Variants in NSMCE1 observed in about 807,000 individuals in gnomAD.
The protein encoded by NSMCE1 is NSE1 component of SMC5/6 complex, also known as non-structural maintenance of chromosomes element 1 homolog.
In NSMCE1, 18 loss-of-function variants were observed where a neutral mutation model predicts 29.6. The ratio of observed to expected loss-of-function variants is 0.61; its 90% confidence interval spans 0.42 to 0.90. The LOEUF is 0.90. NSMCE1 is among the 40% of genes least tolerant of loss of function. The pLI, the probability that NSMCE1 is intolerant of heterozygous loss-of-function variation, is 0.00. For synonymous variants in NSMCE1, 124 were observed against 133.4 expected (o/e 0.93, Z 0.49); for missense variants, 314 against 343.6 (o/e 0.91, Z 0.68).
intron 2 of NSMCE1, chr16:27,241,806 C>T (rs940126468): frequency 2.2e-6 from 1 of 452,756 alleles, no homozygotes; most frequent in Admixed American, 2.4e-5. Flanking sequence ...CACCTCTCAG[C>T]AGACCCTCAG....
intron 1 of NSMCE1, among the ~76,000 whole-genome samples, chr16:27,259,946 C>T (rs1488289462): frequency 6.6e-6 from 1 of 151,998 alleles, no homozygotes; most frequent in Non-Finnish European, 1.5e-5. Flanking sequence ...GAGGATAAGA[C>T]AAAAACATTT....
chr16:27,228,099 A>C (rs1169585854), intron 5 of NSMCE1, among the ~76,000 whole-genome samples: 1 of 152,078 alleles, frequency 6.6e-6, no homozygotes, highest in Non-Finnish European at 1.5e-5. Context: ...CCCGTTTCTG[A>C]CAGGTAGAGC....
At chr16:27,256,601 T>C (rs1596694863) in intron 2 of NSMCE1, among the ~76,000 whole-genome samples, 1 of 152,264 alleles carries the variant, frequency 6.6e-6, no homozygotes, top group Non-Finnish European at 1.5e-5. Flanking sequence ...GATCTACCCA[T>C]ATTGGCACAC....
At position 27,226,759 on chromosome 16, in the gene NSMCE1, C is replaced by T. The variant is rs752487916; in HGVS notation, c.561G>A (p.Ala187=). ...EQYIRETYPD[A]VKICNICHSL... The stretch of plus-strand genomic sequence containing the variant: ...TGTGACAGATATTGCAGATCTTCAC[C>T]GCGTCGGGGTACGTCTCCCGGATGT... The change falls in exon 6 of 8, where the codon GCG becomes GCA. Residue 187 remains alanine, a synonymous_variant. Coordinates refer to ENST00000361439, the MANE Select transcript of NSMCE1 (RefSeq NM_145080.4). The T allele has an allele frequency of 1.2e-5, 20 of 1,613,724 alleles. No homozygotes were observed. The highest frequency in any genetic ancestry group is 1.6e-5 in the Non-Finnish European group (19 of 1,179,748).
chr16:27,250,610 G>A (rs937989419), intron 2 of NSMCE1, among the ~76,000 whole-genome samples: 11 of 151,538 alleles, frequency 7.3e-5, no homozygotes, highest in Admixed American at 1.3e-4. Context: ...TGGCCAACAC[G>A]GTGAAACCCC....
chr16:27,225,930 G>C, intron 6 of NSMCE1, 84 bp from the exon 7 acceptor site: 1 of 1,507,890 alleles, frequency 6.6e-7, no homozygotes, highest in Non-Finnish European at 9.1e-7. Context: ...AAGGGAAATG[G>C]GCAGCAGGTG....
chr16:27,260,974 C>G (rs2084149958), intron 1 of NSMCE1, among the ~76,000 whole-genome samples: 1 of 151,424 alleles, frequency 6.6e-6, no homozygotes, highest in Non-Finnish European at 1.5e-5. Flanking sequence ...GGAGACCAGC[C>G]TGGTTAACAT....
chr16:27,260,781 C>A (rs1332533790), intron 1 of NSMCE1, among the ~76,000 whole-genome samples: 1 of 148,018 alleles, frequency 6.8e-6, no homozygotes, highest in Non-Finnish European at 1.5e-5. Context: ...ATTGCTTGAG[C>A]CTGGGAGGTC....
chr16:27,246,630 C>T (rs938719795), intron 2 of NSMCE1, among the ~76,000 whole-genome samples: 5 of 152,156 alleles, frequency 3.3e-5, no homozygotes, highest in African/African-American at 4.8e-5. Flanking sequence ...CCTGTGATTA[C>T]AGGCTCATGC....
At chr16:27,239,503 T>C (rs1567276411) in intron 2 of NSMCE1, among the ~76,000 whole-genome samples, 1 of 152,230 alleles carries the variant, frequency 6.6e-6, no homozygotes, top group South Asian at 2.1e-4. Context: ...ACTTTCAGTC[T>C]TAGAAATACC....
chr16:27,249,547 C>A (rs963194320), intron 2 of NSMCE1, among the ~76,000 whole-genome samples: 2 of 152,198 alleles, frequency 1.3e-5, no homozygotes, highest in Non-Finnish European at 2.9e-5. Flanking sequence ...CACTAAATTA[C>A]CTTTGCACTT....
At position 27,262,533 on chromosome 16, in the gene NSMCE1, C is replaced by T. The variant is rs1223842576; in HGVS notation, c.-11-4952G>A. On this transcript the variant is annotated intron_variant, in intron 1 of 7. Coordinates refer to ENST00000361439, the MANE Select transcript of NSMCE1 (RefSeq NM_145080.4). The stretch of plus-strand genomic sequence containing the variant: ...CAATAAATGGTGCTAGTATAAGTGG[C>T]TAGCCATATGTGAAGACTGAGGCTG... 2.6e-5 allele frequency among the ~76,000 whole-genome samples: 4 copies of T among 152,156 alleles called. No homozygotes were observed. In the East Asian group the frequency reaches 7.7e-4, roughly 29 times the overall value.
Position 27,232,534 on chromosome 16 carries a change from C to T in NSMCE1, c.483+467G>A, listed in dbSNP as rs1039211371. 6.6e-6 allele frequency among the ~76,000 whole-genome samples: 1 copy of T among 152,262 alleles called. No individual in the cohort carries two copies. Among genetic ancestry groups the T allele is most frequent in the Admixed American group, 6.5e-5 (1 of 15,286 alleles). Reference sequence around the variant, plus strand: ...CCGCCTCCCCCGCGAGCCAGCCAGCCTAGCACCGAGCACATTACTGTGAGG... The same window carrying T: ...CCGCCTCCCCCGCGAGCCAGCCAGCTTAGCACCGAGCACATTACTGTGAGG... On this transcript the variant is annotated intron_variant, in intron 5 of 7. Transcript: ENST00000361439. The surrounding 1 kb of genome is among the most constrained non-coding windows in gnomAD (Gnocchi z 4.5).
intron 1 of NSMCE1, among the ~76,000 whole-genome samples, chr16:27,267,759 G>A (rs1460898509): frequency 6.7e-6 from 1 of 149,660 alleles, no homozygotes; most frequent in Non-Finnish European, 1.5e-5. Flanking sequence ...ACGGAGTTTC[G>A]CTCTTGTTGC....
At chr16:27,241,563 C>T in intron 2 of NSMCE1, 1 of 182,052 alleles carries the variant, frequency 5.5e-6, no homozygotes, top group Non-Finnish European at 1.2e-5. Flanking sequence ...CACCTCTCAG[C>T]CTGTAGCTCT....
intron 2 of NSMCE1, among the ~76,000 whole-genome samples, chr16:27,236,939 AGATT>A (rs10568167): frequency 0.014 from 2,098 of 152,036 alleles, 64 homozygotes; most frequent in African/African-American, 0.048. Context: ...GTACAACTCA[AGATT>A]CATAAAGTTA....
At chr16:27,233,625 C>G (rs1274368828) in intron 4 of NSMCE1, among the ~76,000 whole-genome samples, 1 of 152,248 alleles carries the variant, frequency 6.6e-6, no homozygotes, top group African/African-American at 2.4e-5. Context: ...GCTGAAATGT[C>G]TGAATTATTT....
chr16:27,227,033 T>C (rs780173377), intron 5 of NSMCE1, among the ~76,000 whole-genome samples, 197 bp from the exon 6 acceptor site: 17 of 152,208 alleles, frequency 1.1e-4, no homozygotes, highest in Non-Finnish European at 1.5e-4. Context: ...GCAAAGACCC[T>C]AAAGACATGG....
At position 27,233,047 on chromosome 16, in the gene NSMCE1, G is replaced by A. The variant is rs539713345; in HGVS notation, c.437C>T (p.Ala146Val). 61 of 1,613,674 alleles carry A rather than the reference G, an allele frequency of 3.8e-5. No individual in the cohort carries two copies. The highest frequency in any genetic ancestry group is 5.1e-5 in the Non-Finnish European group (60 of 1,179,746). ...AACAAACTTCTGCAGCACCTGCTCC[G>A]CTTCCTTCTTCCTCATCTTCTTGCC... ...LKGKKMRKKE[A>V]EQVLQKFVQN... The change falls in exon 5 of 8, where the codon GCG (alanine) becomes GTG (valine). Residue 146 changes from alanine (A) to valine (V), a missense_variant. Ala to Val is a moderately conservative substitution (Grantham distance 64). Transcript: ENST00000361439.
Sources: gnomAD v4.1 joint callset for allele counts (sites outside exome capture counted in the v4.1 genomes callset) on GRCh38, gnomAD v4.1.1 for gene constraint, Gnocchi (gnomAD v3.1) non-coding constraint, MANE v1.5 for transcripts, NCBI Gene and HGNC (gene_info 2026-07-23, HGNC 2026-07-21) for gene names.